ASAP2: variants seen among roughly 807,000 people sequenced by gnomAD.
The protein encoded by ASAP2 is ArfGAP with SH3 domain, ankyrin repeat and PH domain 2, also known as arf-GAP with SH3 domain, ANK repeat and PH domain-containing protein 2.
In ASAP2, 45 loss-of-function variants were observed where a neutral mutation model predicts 131.4. That is an observed-to-expected ratio of 0.34 (90% CI 0.27 to 0.44). The LOEUF (loss-of-function observed/expected upper bound fraction) is 0.44, where lower values mean the gene tolerates loss of function less well. ASAP2 is among the 20% of genes least tolerant of loss of function. The probability of loss-of-function intolerance (pLI) is 1.00; values close to 1 mark genes in which losing one functional copy is unlikely to be tolerated. For synonymous variants in ASAP2, 510 were observed against 503.0 expected (o/e 1.01, Z -0.19); for missense variants, 1,011 against 1,297.0 (o/e 0.78, Z 3.39).
intron 20 of ASAP2, 132 bp from the exon 21 acceptor site, chr2:9,385,113 A>G: frequency 4.6e-6 from 3 of 648,136 alleles, no homozygotes; most frequent in Non-Finnish European, 8.1e-6. Flanking sequence ...CGGGGGCTTC[A>G]CCTGAGACCC....
At chr2:9,362,590 G>T (rs891508133) in intron 15 of ASAP2, among the ~76,000 whole-genome samples, 1 of 152,102 alleles carries the variant, frequency 6.6e-6, no homozygotes, top group Non-Finnish European at 1.5e-5. Flanking sequence ...TGTAATCCCA[G>T]TACTTTGGGA....
rs776163224 is a variant in ASAP2 at position 9,385,281 on chromosome 2, G to T, written c.2053G>T (p.Val685Phe). The change falls in exon 21 of 28, where the codon GTT becomes TTT. Residue 685 changes from valine to phenylalanine, a missense_variant. Val to Phe is a conservative substitution (Grantham distance 50). Transcript: ENST00000281419. ...QALSGRFNSH[V>F]HVEYEWRLLH... ...CTTATCTGGAAGATTTAATTCTCAC[G>T]TTCACGTTGAATATGAATGGCGACT... is the stretch of plus-strand genomic sequence containing the variant. 6.2e-7 allele frequency: 1 copy of T among 1,614,022 alleles called. No individual in the cohort carries two copies. The highest frequency in any genetic ancestry group is 1.3e-5 in the African/African-American group (1 of 74,920).
rs1572396949 is a variant in ASAP2, at chr2:9,303,942, C to T, written c.345+6497C>T. 2.0e-5 allele frequency among the ~76,000 whole-genome samples: 3 copies of T among 152,332 alleles called. No individual in the cohort carries two copies. In the Middle Eastern group the frequency reaches 0.01, roughly 518 times the overall value. ...CACAGAGACGAGGACTGGGCACCTG[C>T]TGGGTGCTATCCATGCGCTGGTGCT... On this transcript the variant is annotated intron_variant, in intron 3 of 27. Coordinates refer to ENST00000281419, the MANE Select transcript of ASAP2 (RefSeq NM_003887.3).
chr2:9,360,620 C>T (rs192655482), intron 15 of ASAP2, among the ~76,000 whole-genome samples: 1 of 152,218 alleles, frequency 6.6e-6, no homozygotes, highest in East Asian at 1.9e-4. Flanking sequence ...CCACAATGGC[C>T]AATTTCAAGC....
chr2:9,256,884 T>C (rs1665203279), intron 1 of ASAP2, among the ~76,000 whole-genome samples: 2 of 152,226 alleles, frequency 1.3e-5, no homozygotes, highest in South Asian at 2.1e-4. Context: ...GCTTGTCCTG[T>C]CCACCCTCAG....
intron 20 of ASAP2, among the ~76,000 whole-genome samples, chr2:9,384,150 C>T (rs1408103159): frequency 6.6e-6 from 1 of 152,102 alleles, no homozygotes; most frequent in Admixed American, 6.5e-5. Context: ...TACCCTAGAA[C>T]TTAAAGTATA....
intron 3 of ASAP2, among the ~76,000 whole-genome samples, chr2:9,316,150 C>A (rs1669656756): frequency 6.6e-6 from 1 of 151,786 alleles, no homozygotes; most frequent in South Asian, 2.1e-4. Flanking sequence ...GAAACCCTGT[C>A]TACAAAAACT....
rs557981439 is a variant in ASAP2, at chr2:9,355,733, G to A, written c.1112-314G>A. On this transcript the variant is annotated intron_variant, in intron 12 of 27. Transcript: ENST00000281419. ...GGGCTTGAACAATTACTTTTTGGGG[G>A]CCAACTCTGTAGTGAGTTAAAATGA... Among the ~76,000 whole-genome samples, 9 of 152,166 alleles carry A rather than the reference G, an allele frequency of 5.9e-5. No individual in the cohort carries two copies. The South Asian group carries it at 1.9e-3, about 32-fold the overall frequency.
At chr2:9,218,269 T>C (rs891940561) in intron 1 of ASAP2, among the ~76,000 whole-genome samples, 5 of 152,190 alleles carry the variant, frequency 3.3e-5, no homozygotes, top group Non-Finnish European at 5.9e-5. Context: ...CAGTCCCCAT[T>C]GTCACTGAAT....
chr2:9,353,597 A>G (rs976703346), intron 12 of ASAP2, among the ~76,000 whole-genome samples: 1 of 151,036 alleles, frequency 6.6e-6, no homozygotes, highest in African/African-American at 2.4e-5. Context: ...AGTCAAGTGG[A>G]GGCACATGCA....
In ASAP2 at chr2:9,358,750, T is replaced by C. The variant is rs1191143902; in HGVS notation, c.1328-6T>C. 3 of 1,612,110 alleles carry C rather than the reference T, an allele frequency of 1.9e-6. No individual in the cohort carries two copies. In the South Asian group the frequency reaches 3.3e-5, roughly 18 times the overall value. On this transcript the variant is annotated splice_polypyrimidine_tract_variant and splice_region_variant and intron_variant, in intron 14 of 27. Transcript: ENST00000281419. Reference sequence around the variant, plus strand: ...AAGCTCAAATCTGCCCTGTTCTCTTTGGCAGATCCTACATGGCTTTCCACC... The same window carrying C: ...AAGCTCAAATCTGCCCTGTTCTCTTCGGCAGATCCTACATGGCTTTCCACC...
At chr2:9,257,818 C>G (rs1665273914) in intron 1 of ASAP2, among the ~76,000 whole-genome samples, 1 of 152,152 alleles carries the variant, frequency 6.6e-6, no homozygotes, top group African/African-American at 2.4e-5. Flanking sequence ...GCCACGGTGC[C>G]TGGCCTGAAA....
chr2:9,338,455 A>C (rs1226095300), intron 9 of ASAP2, among the ~76,000 whole-genome samples: 1 of 152,174 alleles, frequency 6.6e-6, no homozygotes, highest in South Asian at 2.1e-4. Flanking sequence ...CACCACAGCC[A>C]TAATTTTCTT....
intron 11 of ASAP2, among the ~76,000 whole-genome samples, chr2:9,346,152 G>A (rs1671948826): frequency 6.6e-6 from 1 of 152,152 alleles, no homozygotes; most frequent in Admixed American, 6.5e-5. Context: ...TTATGGGCAG[G>A]TGCAGTGGCT....
At chr2:9,365,303 G>A (rs1256122817) in intron 15 of ASAP2, among the ~76,000 whole-genome samples, 2 of 152,214 alleles carry the variant, frequency 1.3e-5, no homozygotes, top group South Asian at 2.1e-4. Context: ...TCCACCCTTC[G>A]GGGATCCAAG....
chr2:9,267,505 A>G (rs185677080), intron 1 of ASAP2, among the ~76,000 whole-genome samples: 11 of 152,258 alleles, frequency 7.2e-5, no homozygotes, highest in Non-Finnish European at 7.4e-5. Context: ...GTCATATTCC[A>G]TGGTGTATAT....
chr2:9,218,320 G>A (rs575294367), intron 1 of ASAP2, among the ~76,000 whole-genome samples: 2 of 152,312 alleles, frequency 1.3e-5, no homozygotes, highest in South Asian at 4.1e-4. Flanking sequence ...TCCTGGGGAG[G>A]CACTTAACAT....
intron 1 of ASAP2, among the ~76,000 whole-genome samples, chr2:9,256,204 C>T (rs1558271191): frequency 6.6e-6 from 1 of 151,470 alleles, no homozygotes; most frequent in Non-Finnish European, 1.5e-5. Flanking sequence ...TTCTGGCAGC[C>T]CAATTAATTC....
chr2:9,348,142 T>G (rs145709413), intron 11 of ASAP2, among the ~76,000 whole-genome samples: 4,795 of 151,158 alleles, frequency 0.032, 115 homozygotes, highest in Non-Finnish European at 0.041. Context: ...TTGTTTGTTT[T>G]TTTCTTTTTG....
Sources: allele counts gnomAD v4.1 joint callset (sites outside exome capture counted in the v4.1 genomes callset), GRCh38; gene constraint gnomAD v4.1.1; transcripts MANE v1.5; gene names NCBI Gene and HGNC (gene_info 2026-07-23, HGNC 2026-07-21).